The following GRM5 variants were observed in gnomAD, a reference collection of about 807,000 sequenced individuals.
GRM5 encodes the protein metabotropic glutamate receptor 5.
In GRM5, 19 loss-of-function variants were observed where a neutral mutation model predicts 83.1. The observed-to-expected ratio is 0.23, with a 90% CI of 0.16 to 0.34. The LOEUF (loss-of-function observed/expected upper bound fraction) is 0.34, where lower values mean the gene tolerates loss of function less well. Among genes scored for constraint, GRM5 ranks in the 10% least tolerant of loss-of-function variants. The pLI is 1.00. For missense variants in GRM5, 1,160 were observed against 1,588.3 expected (o/e 0.73, Z 4.58); for synonymous variants, 675 against 633.6 (o/e 1.07, Z -0.98).
intron 3 of GRM5, among the ~76,000 whole-genome samples, chr11:88,790,653 C>G (rs1460522401): frequency 6.6e-6 from 1 of 151,886 alleles, no homozygotes; most frequent in Non-Finnish European, 1.5e-5. Context: ...GACAGGATGC[C>G]TAGAATGGAA....
intron 2 of GRM5, among the ~76,000 whole-genome samples, chr11:88,872,185 A>G (rs1363981198): frequency 6.6e-6 from 1 of 151,552 alleles, no homozygotes; most frequent in Non-Finnish European, 1.5e-5. Context: ...ATGTTTCAGA[A>G]GATATCATAT....
intron 3 of GRM5, among the ~76,000 whole-genome samples, chr11:88,773,949 C>G (rs1318153229): frequency 6.6e-6 from 1 of 151,974 alleles, no homozygotes; most frequent in Non-Finnish European, 1.5e-5. Context: ...TTTTTTGGTT[C>G]CATATGAACT....
At chr11:88,631,371 T>C (rs1482504596) in intron 4 of GRM5, among the ~76,000 whole-genome samples, 2 of 152,200 alleles carry the variant, frequency 1.3e-5, no homozygotes, top group East Asian at 3.8e-4. Flanking sequence ...GCCTAGATAT[T>C]ATTGGGATAT....
chr11:88,893,430 AAAG>A (rs1229556934), intron 2 of GRM5, among the ~76,000 whole-genome samples: 2 of 152,002 alleles, frequency 1.3e-5, no homozygotes, highest in Non-Finnish European at 2.9e-5. Context: ...CCTGTCCTAA[AAAG>A]AATAGTTGGT....
At chr11:88,708,227 T>G (rs192312247) in intron 3 of GRM5, among the ~76,000 whole-genome samples, 2 of 152,156 alleles carry the variant, frequency 1.3e-5, no homozygotes, top group East Asian at 3.9e-4. Context: ...TTCGCTCCCC[T>G]TTTATTGCAA....
At chr11:88,903,900 A>C (rs990721218) in intron 2 of GRM5, among the ~76,000 whole-genome samples, 2 of 152,226 alleles carry the variant, frequency 1.3e-5, no homozygotes, top group Non-Finnish European at 2.9e-5. Context: ...ATTTATTAAA[A>C]AAGATGTGAC....
intron 4 of GRM5, among the ~76,000 whole-genome samples, chr11:88,648,732 G>A (rs1309565034): frequency 1.3e-5 from 2 of 151,656 alleles, no homozygotes; most frequent in Non-Finnish European, 2.9e-5. Flanking sequence ...GCTCACTTGA[G>A]GAATGTAGAC....
intron 4 of GRM5, 90 bp from the exon 5 acceptor site, chr11:88,605,054 G>C: frequency 1.9e-6 from 2 of 1,046,098 alleles, no homozygotes; most frequent in Non-Finnish European, 2.9e-6. Context: ...CCTGTAATTA[G>C]AGAATGCACT....
At chr11:88,894,503 C>T (rs969753383) in intron 2 of GRM5, among the ~76,000 whole-genome samples, 5 of 151,974 alleles carry the variant, frequency 3.3e-5, no homozygotes, top group African/African-American at 9.7e-5. Flanking sequence ...GCCTATGGCA[C>T]TAAGGTACTT....
chr11:88,534,239 C>G (rs572550382), intron 8 of GRM5, among the ~76,000 whole-genome samples: 1 of 152,182 alleles, frequency 6.6e-6, no homozygotes, highest in Non-Finnish European at 1.5e-5. Context: ...GTCCTCCAGA[C>G]GCCAGAATGT....
intron 2 of GRM5, among the ~76,000 whole-genome samples, chr11:88,981,625 C>T (rs1260976348): frequency 6.6e-6 from 1 of 151,340 alleles, no homozygotes; most frequent in Non-Finnish European, 1.5e-5. Flanking sequence ...TATTTCTCTA[C>T]CCCCCACCTT....
chr11:89,027,549 C>T (rs1941155687), intron 2 of GRM5, among the ~76,000 whole-genome samples: 1 of 152,196 alleles, frequency 6.6e-6, no homozygotes, highest in Non-Finnish European at 1.5e-5. Flanking sequence ...CACACTTCTA[C>T]ATTAAGTAAA....
At chr11:88,865,040 C>T (rs1433312528) in intron 2 of GRM5, among the ~76,000 whole-genome samples, 1 of 152,014 alleles carries the variant, frequency 6.6e-6, no homozygotes, top group African/African-American at 2.4e-5. Flanking sequence ...CTACAAACCA[C>T]TGCTCAAACA....
Position 88,567,360 on chromosome 11 carries a change from C to G in GRM5, c.2323G>C (p.Ala775Pro). The G allele has an allele frequency of 6.2e-7, 1 of 1,614,038 alleles. No homozygotes were observed. Among genetic ancestry groups the G allele is most frequent in the Non-Finnish European group, 8.5e-7 (1 of 1,179,978 alleles). The change falls in exon 8 of 10, where the codon GCC becomes CCC. Residue 775 changes from alanine to proline, a missense_variant. Around this residue, in one of 9 missense-constraint regions of GRM5, gnomAD observed 66 missense variants for 138.6 expected, o/e 0.48. Transcript: ENST00000305447. This position sits in a 1 kb window ranked among gnomAD's most constrained non-coding sequence, Gnocchi z 7.3. Reference protein sequence around the residue: ...PANFNEAKYIAFTMYTTCIIW... With the variant: ...PANFNEAKYIPFTMYTTCIIW... ...ATGCAGGTCGTGTACATTGTGAAGG[C>G]GATATACTTGGCCTCGTTGAAGTTA... is the stretch of plus-strand genomic sequence containing the variant.
intron 8 of GRM5, among the ~76,000 whole-genome samples, chr11:88,554,360 A>G (rs1942578553): frequency 6.6e-6 from 1 of 152,026 alleles, no homozygotes; most frequent in African/African-American, 2.4e-5. Flanking sequence ...CCTTAACATA[A>G]TTGCACCTGC....
intron 4 of GRM5, among the ~76,000 whole-genome samples, chr11:88,632,322 C>T (rs1274693462): frequency 6.8e-6 from 1 of 146,176 alleles, no homozygotes; most frequent in African/African-American, 2.5e-5. Flanking sequence ...TCCTAGCTCA[C>T]TGCAGGCTTA....
At chr11:88,920,955 G>T (rs144058624) in intron 2 of GRM5, among the ~76,000 whole-genome samples, 28 of 152,236 alleles carry the variant, frequency 1.8e-4, no homozygotes, top group African/African-American at 6.7e-4. Context: ...TATATGTGCA[G>T]GTTATAATGG....
In GRM5 at chr11:89,009,919, A is replaced by AAAAC. The variant is rs1555059694; in HGVS notation, c.661+37292_661+37293insGTTT. ...CCGTCTCAAAAAAAAAAAAAAAAAA[A>AAAAC]AAAAAAAAAAACACACACAAAATCA... On this transcript the variant is annotated intron_variant, in intron 2 of 9. Transcript: ENST00000305447. Among the ~76,000 whole-genome samples, 164 of 126,434 alleles carry AAAAC rather than the reference A, an allele frequency of 1.3e-3. 16 individuals carry two copies. The highest frequency in any genetic ancestry group is 6.0e-3 in the African/African-American group (144 of 23,812). The allele number at this position is 126,434 out of a possible 152,430, so 82.9% of individuals were successfully genotyped here.
chr11:89,064,764 C>T (rs150646328), intron 1 of GRM5, among the ~76,000 whole-genome samples: 1,522 of 151,264 alleles, frequency 0.01, 34 homozygotes, highest in African/African-American at 0.035. Flanking sequence ...ATGCCAAACC[C>T]GATCACCCTG....
Sources: gnomAD v4.1 joint callset for allele counts (sites outside exome capture counted in the v4.1 genomes callset) on GRCh38, gnomAD v4.1.1 for gene constraint, gnomAD v4.1.1 regional missense constraint, Gnocchi (gnomAD v3.1) non-coding constraint, MANE v1.5 for transcripts, NCBI Gene and HGNC (gene_info 2026-07-23, HGNC 2026-07-21) for gene names.